The following CPED1 variants were observed in gnomAD, a reference collection of about 807,000 sequenced individuals.
The protein encoded by CPED1 is cadherin like and PC-esterase domain containing 1, also known as cadherin-like and PC-esterase domain-containing protein 1.
A neutral mutation model predicts 128.2 loss-of-function variants in CPED1; 114 were observed. That is an observed-to-expected ratio of 0.89 (90% confidence interval 0.76 to 1.04). The LOEUF (loss-of-function observed/expected upper bound fraction) is 1.04, where lower values mean the gene tolerates loss of function less well. Among genes scored for constraint, CPED1 ranks in the 50% least tolerant of loss-of-function variants. CPED1 has a pLI of 0.00. For synonymous variants in CPED1, 462 were observed against 426.7 expected (o/e 1.08, Z -1.02); for missense variants, 1,211 against 1,207.1 (o/e 1.00, Z -0.05).
chr7:121,235,936 G>A (rs1023284920), intron 16 of CPED1, among the ~76,000 whole-genome samples: 4 of 152,044 alleles, frequency 2.6e-5, no homozygotes, highest in South Asian at 2.1e-4. Flanking sequence ...CTTTTAACAC[G>A]CCCTAAATTG....
At chr7:121,046,821 A>T (rs746813515) in intron 3 of CPED1, 66 bp from the exon 4 acceptor site, 12 of 1,003,610 alleles carry the variant, frequency 1.2e-5, no homozygotes, top group Admixed American at 2.2e-5. Context: ...TAATCTGAAG[A>T]ATTAAATATT....
chr7:121,002,010 T>A (rs1443062405), intron 2 of CPED1, among the ~76,000 whole-genome samples: 1 of 152,112 alleles, frequency 6.6e-6, no homozygotes, highest in Admixed American at 6.6e-5. Context: ...TATATATATA[T>A]AAAACACAAA....
At chr7:121,286,605 T>C (rs1736055497) in intron 22 of CPED1, among the ~76,000 whole-genome samples, 1 of 152,180 alleles carries the variant, frequency 6.6e-6, no homozygotes, top group African/African-American at 2.4e-5. Flanking sequence ...TTTTTATAAA[T>C]CTAGTTAATA....
At chr7:121,190,601 A>G (rs951242751) in intron 16 of CPED1, among the ~76,000 whole-genome samples, 28 of 152,084 alleles carry the variant, frequency 1.8e-4, no homozygotes, top group Non-Finnish European at 2.8e-4. Flanking sequence ...ATTTTCAGGA[A>G]CTAATTTCAA....
intron 3 of CPED1, among the ~76,000 whole-genome samples, chr7:121,036,113 G>A (rs1792877200): frequency 1.3e-5 from 2 of 152,038 alleles, no homozygotes; most frequent in African/African-American, 2.4e-5. Flanking sequence ...GATTTGAGGG[G>A]CTGCATGCAT....
intron 3 of CPED1, among the ~76,000 whole-genome samples, chr7:121,021,425 G>A (rs1355198177): frequency 6.6e-6 from 1 of 151,820 alleles, no homozygotes; most frequent in East Asian, 1.9e-4. Flanking sequence ...AGCTGTTTCT[G>A]TAGTTTGTAT....
At chr7:121,176,206 A>AC (rs1287178203) in intron 16 of CPED1, among the ~76,000 whole-genome samples, 4 of 144,442 alleles carry the variant, frequency 2.8e-5, no homozygotes, top group African/African-American at 5.3e-5. Context: ...AAAAAAAAAA[A>AC]AAAAAAAAAA....
intron 22 of CPED1, among the ~76,000 whole-genome samples, chr7:121,280,985 C>G (rs145874028): frequency 1.3e-5 from 2 of 152,262 alleles, no homozygotes; most frequent in African/African-American, 4.8e-5. Flanking sequence ...AGCCATTACC[C>G]TGTCTCCTCT....
chr7:121,214,014 C>T (rs997873725), intron 16 of CPED1, among the ~76,000 whole-genome samples: 3 of 152,020 alleles, frequency 2.0e-5, no homozygotes, highest in African/African-American at 7.2e-5. Flanking sequence ...GATGATTCCA[C>T]AGTTTTTCCT....
In CPED1 at chr7:121,047,453, A is replaced by C. The variant is rs192528800; in HGVS notation, c.540+460A>C. Among the ~76,000 whole-genome samples, 84 of 152,210 alleles carry C rather than the reference A, an allele frequency of 5.5e-4. 1 individual carries two copies. Among genetic ancestry groups the C allele is most frequent in the Non-Finnish European group, 9.0e-4 (61 of 68,008 alleles). On this transcript the variant is annotated intron_variant, in intron 4 of 22. Transcript: ENST00000310396. ...GTGAACTTTTGTAAATGGTTTTAGA[A>C]AACTTAACTAAAAAAATCCAATGTT...
At chr7:121,255,376 ACT>A (rs1215746648) in intron 18 of CPED1, among the ~76,000 whole-genome samples, 1 of 152,000 alleles carries the variant, frequency 6.6e-6, no homozygotes, top group African/African-American at 2.4e-5. Context: ...ATGATAAAAA[ACT>A]CTCAACAAAC....
At chr7:121,077,470 C>T (rs1204659951) in intron 5 of CPED1, among the ~76,000 whole-genome samples, 1 of 151,996 alleles carries the variant, frequency 6.6e-6, no homozygotes, top group Non-Finnish European at 1.5e-5. Context: ...ACATACCTTT[C>T]CCATTCATGT....
At chr7:121,245,627 A>AAGAT (rs1798508644) in intron 18 of CPED1, among the ~76,000 whole-genome samples, 1 of 152,112 alleles carries the variant, frequency 6.6e-6, no homozygotes, top group South Asian at 2.1e-4. Flanking sequence ...TTTTCTGCTT[A>AAGAT]AGATAAGTAA....
intron 8 of CPED1, among the ~76,000 whole-genome samples, chr7:121,125,464 C>T (rs993757672): frequency 1.3e-5 from 2 of 152,060 alleles, no homozygotes; most frequent in African/African-American, 4.8e-5. Context: ...TCTCCTTGCC[C>T]CCCAACCCCC....
At chr7:121,155,120 T>C (rs949552759) in intron 16 of CPED1, among the ~76,000 whole-genome samples, 1 of 152,102 alleles carries the variant, frequency 6.6e-6, no homozygotes, top group African/African-American at 2.4e-5. Flanking sequence ...CCATTTATAA[T>C]AGCTATAAAA....
intron 3 of CPED1, among the ~76,000 whole-genome samples, chr7:121,039,066 C>A (rs191556258): frequency 1.3e-5 from 2 of 152,008 alleles, no homozygotes; most frequent in African/African-American, 2.4e-5. Flanking sequence ...GTGCCATTCA[C>A]GCTAAAGTAG....
intron 17 of CPED1, among the ~76,000 whole-genome samples, chr7:121,239,765 C>A (rs1798344026): frequency 6.6e-6 from 1 of 152,124 alleles, no homozygotes; most frequent in South Asian, 2.1e-4. Flanking sequence ...ATCTGATTCA[C>A]TGAAATGGCT....
intron 18 of CPED1, among the ~76,000 whole-genome samples, chr7:121,250,945 G>T (rs1409588374): frequency 4.6e-5 from 7 of 152,092 alleles, no homozygotes; most frequent in Admixed American, 4.6e-4. Flanking sequence ...GAAAAAAAGG[G>T]AATCCTCCCT....
chr7:121,176,896 A>C (rs981852939), intron 16 of CPED1, among the ~76,000 whole-genome samples: 1 of 152,104 alleles, frequency 6.6e-6, no homozygotes, highest in Admixed American at 6.6e-5. Flanking sequence ...GAAAGGAAGC[A>C]TCTGTGATAA....
Sources: allele counts gnomAD v4.1 joint callset (sites outside exome capture counted in the v4.1 genomes callset), GRCh38; gene constraint gnomAD v4.1.1; transcripts MANE v1.5; gene names NCBI Gene and HGNC (gene_info 2026-07-23, HGNC 2026-07-21).